Variants in ATRNL1 observed in about 807,000 individuals in gnomAD.
ATRNL1 encodes the protein attractin like 1, also known as attractin-like protein 1.
Under a neutral mutation model 182.7 loss-of-function variants are expected in ATRNL1, and 95 were observed. That is an observed-to-expected ratio of 0.52 (90% CI 0.44 to 0.62). The LOEUF is 0.62. Ranked by LOEUF, ATRNL1 falls within the 20% of genes least tolerant of loss-of-function variation. The pLI, the probability that ATRNL1 is intolerant of heterozygous loss-of-function variation, is 0.00. For synonymous variants in ATRNL1, 576 were observed against 568.3 expected (o/e 1.01, Z -0.19); for missense variants, 1,471 against 1,679.5 (o/e 0.88, Z 2.17).
chr10:115,133,395 A>T (rs1409248859), intron 5 of ATRNL1, among the ~76,000 whole-genome samples: 2 of 152,186 alleles, frequency 1.3e-5, no homozygotes, highest in African/African-American at 2.4e-5. Context: ...TGAGGTTGCA[A>T]TCCTAGTCTC....
chr10:115,873,138 A>G (rs1359166013), intron 28 of ATRNL1, among the ~76,000 whole-genome samples: 1 of 152,210 alleles, frequency 6.6e-6, no homozygotes, highest in African/African-American at 2.4e-5. Flanking sequence ...AAAGATATTC[A>G]TTTGTCTGTC....
At chr10:115,258,411 T>G (rs114757227) in intron 10 of ATRNL1, among the ~76,000 whole-genome samples, 1,884 of 152,240 alleles carry the variant, frequency 0.012, 32 homozygotes, top group African/African-American at 0.042. Context: ...AATCAGCTAT[T>G]GAAACTTGTG....
chr10:115,486,194 C>G (rs1027011495), intron 24 of ATRNL1, among the ~76,000 whole-genome samples: 3 of 151,984 alleles, frequency 2.0e-5, no homozygotes, highest in Non-Finnish European at 4.4e-5. Context: ...TGAACAGTGC[C>G]GCAATAAACA....
At chr10:115,369,912 ATGTCCCCAC>A (rs1452518509) in intron 19 of ATRNL1, among the ~76,000 whole-genome samples, 3 of 152,146 alleles carry the variant, frequency 2.0e-5, no homozygotes, top group African/African-American at 7.2e-5. Context: ...TGGTTTGGCC[ATGTCCCCAC>A]CCAAATCTCA....
intron 26 of ATRNL1, among the ~76,000 whole-genome samples, chr10:115,714,667 T>G (rs1327524707): frequency 6.6e-6 from 1 of 152,136 alleles, no homozygotes; most frequent in Non-Finnish European, 1.5e-5. Flanking sequence ...ATAGATTCAT[T>G]ATTGATTGCT....
intron 21 of ATRNL1, among the ~76,000 whole-genome samples, chr10:115,432,370 A>G (rs1000100570): frequency 4.6e-5 from 7 of 152,124 alleles, no homozygotes; most frequent in African/African-American, 1.7e-4. Context: ...TCTTTTAGAA[A>G]TATCAGAAGC....
intron 28 of ATRNL1, among the ~76,000 whole-genome samples, chr10:115,866,980 A>T (rs186616385): frequency 2.0e-4 from 30 of 152,312 alleles, no homozygotes; most frequent in African/African-American, 7.0e-4. Context: ...TGTGAATTTC[A>T]GGCTTGCTCA....
chr10:115,588,607 C>G (rs367969151), intron 26 of ATRNL1, among the ~76,000 whole-genome samples: 3 of 152,182 alleles, frequency 2.0e-5, no homozygotes, highest in East Asian at 3.8e-4. Flanking sequence ...CTTTGCTACT[C>G]ATGGAAAAGC....
chr10:115,768,364 T>A (rs1555075537), intron 27 of ATRNL1, among the ~76,000 whole-genome samples: 2 of 152,150 alleles, frequency 1.3e-5, no homozygotes, highest in Non-Finnish European at 2.9e-5. Context: ...TGCTTTATGA[T>A]TTGCTATTTT....
rs2134280438 is a variant in ATRNL1 at position 115,394,710 on chromosome 10, G to A, written c.3227G>A (p.Cys1076Tyr). The change falls in exon 20 of 29, where the codon TGT (cysteine) becomes TAT (tyrosine). Residue 1076 changes from cysteine to tyrosine, a missense_variant. Around this residue, in one of 3 missense-constraint regions of ATRNL1, gnomAD observed 437 missense variants for 506.0 expected, o/e 0.86. Coordinates refer to ENST00000355044, the MANE Select transcript of ATRNL1 (RefSeq NM_207303.4). ...ATCTGTCATCTGCACACAGGAAAATGTTTCTGCACAACTAAAGGAATAAAA... is the reference window on the plus strand; with the variant it reads ...ATCTGTCATCTGCACACAGGAAAATATTTCTGCACAACTAAAGGAATAAAA... Reference protein sequence around the residue: ...ANICHLHTGKCFCTTKGIKGD... With the variant: ...ANICHLHTGKYFCTTKGIKGD... The A allele has an allele frequency of 6.2e-7, 1 of 1,610,542 alleles. No homozygotes were observed. The highest frequency in any genetic ancestry group is 1.3e-5 in the African/African-American group (1 of 74,846).
chr10:115,215,507 C>T (rs1293192971), intron 8 of ATRNL1, among the ~76,000 whole-genome samples, 190 bp from the exon 9 acceptor site: 1 of 152,102 alleles, frequency 6.6e-6, no homozygotes, highest in South Asian at 2.1e-4. Flanking sequence ...ACCAGTGTTA[C>T]TCAACTTCAA....
intron 26 of ATRNL1, among the ~76,000 whole-genome samples, chr10:115,578,987 A>G (rs931313050): frequency 6.6e-6 from 1 of 151,362 alleles, no homozygotes; most frequent in Non-Finnish European, 1.5e-5. Flanking sequence ...ATTTGGTTTC[A>G]TTTTCACATA....
At chr10:115,623,354 G>A (rs1757121526) in intron 26 of ATRNL1, among the ~76,000 whole-genome samples, 1 of 152,076 alleles carries the variant, frequency 6.6e-6, no homozygotes, top group South Asian at 2.1e-4. Context: ...GAAATGCCAG[G>A]AATGAACAAA....
chr10:115,141,959 C>T (rs74159840), intron 5 of ATRNL1, among the ~76,000 whole-genome samples: 3,118 of 152,106 alleles, frequency 0.02, 105 homozygotes, highest in African/African-American at 0.07. Flanking sequence ...TTATCTTTTT[C>T]ATTTATTAAT....
rs782206914 is a variant in ATRNL1 at position 115,286,408 on chromosome 10, T to C, written c.2415+11T>C. The stretch of plus-strand genomic sequence containing the variant: ...AAGTATACACAACAGGTAACATTTC[T>C]ACTTGTTTACATTATGGAAATATGC... On this transcript the variant is annotated intron_variant, in intron 15 of 28. Transcript: ENST00000355044. 8 of 1,461,698 alleles carry C rather than the reference T, an allele frequency of 5.5e-6. No individual in the cohort carries two copies. In the African/African-American group the frequency reaches 1.0e-4, roughly 18 times the overall value. 90.5% of individuals were successfully genotyped at this position (1,461,698 alleles called of 1,614,324 possible). A position where few individuals can be genotyped will look rare whatever the true frequency, so the allele number is the denominator to read the frequency against.
rs946841515 is a variant in ATRNL1 at position 115,622,628 on chromosome 10, T to C, written c.3795+73092T>C. On this transcript the variant is annotated intron_variant, in intron 26 of 28. Transcript: ENST00000355044. ...AACTGATGTAGTTGTATTAATATTATGTAAAATAGAATTTAGGGCGGGGCG... is the reference window on the plus strand; with the variant it reads ...AACTGATGTAGTTGTATTAATATTACGTAAAATAGAATTTAGGGCGGGGCG... Among the ~76,000 whole-genome samples, 6 of 151,576 alleles carry C rather than the reference T, an allele frequency of 4.0e-5. No individual in the cohort carries two copies. The Admixed American group carries it at 4.0e-4, about 10-fold the overall frequency.
intron 27 of ATRNL1, among the ~76,000 whole-genome samples, chr10:115,798,236 C>T (rs112453492): frequency 1.3e-5 from 2 of 152,078 alleles, no homozygotes; most frequent in East Asian, 1.9e-4. Context: ...CTTCTTTTTA[C>T]TCCACACCCC....
chr10:115,845,491 T>C (rs1407215606), intron 27 of ATRNL1, among the ~76,000 whole-genome samples: 1 of 152,048 alleles, frequency 6.6e-6, no homozygotes, highest in Admixed American at 6.6e-5. Context: ...TTTTGTTAAT[T>C]TTTTTCTCCG....
intron 28 of ATRNL1, among the ~76,000 whole-genome samples, chr10:115,879,942 A>G (rs1589641427): frequency 1.3e-5 from 2 of 152,246 alleles, no homozygotes; most frequent in Non-Finnish European, 1.5e-5. Context: ...TGAGCTCAGG[A>G]GCCAGGAAAT....
Sources: gnomAD v4.1 joint callset for allele counts (sites outside exome capture counted in the v4.1 genomes callset) on GRCh38, gnomAD v4.1.1 for gene constraint, gnomAD v4.1.1 regional missense constraint, MANE v1.5 for transcripts, NCBI Gene and HGNC (gene_info 2026-07-23, HGNC 2026-07-21) for gene names.